FAM135B: variants seen among roughly 807,000 people sequenced by gnomAD.
The protein encoded by FAM135B is family with sequence similarity 135 member B.
In FAM135B, 43 loss-of-function variants were observed where a neutral mutation model predicts 127.7. The observed-to-expected ratio is 0.34, with a 90% CI of 0.26 to 0.43. The LOEUF (loss-of-function observed/expected upper bound fraction) is 0.43. Ranked by LOEUF, FAM135B falls within the 20% of genes least tolerant of loss-of-function variation. The pLI is 1.00. For synonymous variants in FAM135B, 670 were observed against 665.1 expected (o/e 1.01, Z -0.11); for missense variants, 1,558 against 1,725.6 (o/e 0.90, Z 1.72).
rs190663092 is a variant in FAM135B at position 138,155,698 on chromosome 8, A to G, written c.1259-2482T>C. 4.1e-3 allele frequency among the ~76,000 whole-genome samples: 627 copies of G among 152,248 alleles called. 3 individuals are homozygous for G. The highest frequency in any genetic ancestry group is 5.6e-3 in the Non-Finnish European group (381 of 67,992). ...CCAACAAAGACCAAAAAAGACAAAG[A>G]AAGCCATTACATAATGGTAAAGGGA... On this transcript the variant is annotated intron_variant, in intron 12 of 19. Transcript: ENST00000395297.
At chr8:138,460,100 C>T (rs1048528381) in intron 1 of FAM135B, among the ~76,000 whole-genome samples, 2 of 152,104 alleles carry the variant, frequency 1.3e-5, no homozygotes, top group Non-Finnish European at 2.9e-5. Flanking sequence ...TAGTTTAAGC[C>T]CTTTCTTTGG....
chr8:138,411,468 C>T (rs1833860193), intron 1 of FAM135B, among the ~76,000 whole-genome samples: 2 of 152,020 alleles, frequency 1.3e-5, no homozygotes, highest in South Asian at 4.1e-4. Flanking sequence ...TTCCTTACAC[C>T]TTATACGAAA....
At position 138,151,683 on chromosome 8, in the gene FAM135B, TGA is replaced by T; in HGVS notation, c.2790_2791del (p.Gln931ThrfsTer5). The T allele has an allele frequency of 6.2e-7, 1 of 1,614,186 alleles. No homozygotes were observed. The highest frequency in any genetic ancestry group is 8.5e-7 in the Non-Finnish European group (1 of 1,180,032). On this transcript the variant is annotated frameshift_variant, in exon 13 of 20. Coordinates refer to ENST00000395297, the MANE Select transcript of FAM135B (RefSeq NM_015912.4). LOFTEE classifies it high-confidence loss of function. ...ACAGCTCAATTCAGGCACCTGATGT[TGA>T]GAGAGACCCTCAACCTCTGAGATGC... is the stretch of plus-strand genomic sequence containing the variant.
Position 138,237,823 on chromosome 8 carries a change from C to T in FAM135B, c.669+5119G>A, listed in dbSNP as rs117757458. ...ACCCTGTAGACTTTAGACTTGCCAG[C>T]CTCCACAAGTGCATGACCCAATTTC... On this transcript the variant is annotated intron_variant, in intron 7 of 19. Transcript: ENST00000395297. Among the ~76,000 whole-genome samples the T allele has an allele frequency of 4.7e-4, 71 of 152,260 alleles. No individual in the cohort carries two copies. In the East Asian group the frequency reaches 0.012, roughly 26 times the overall value.
intron 7 of FAM135B, among the ~76,000 whole-genome samples, chr8:138,237,054 G>A (rs1586847313): frequency 6.6e-6 from 1 of 152,056 alleles, no homozygotes; most frequent in South Asian, 2.1e-4. Flanking sequence ...GTCGGATGAC[G>A]GAACAGCCCT....
chr8:138,435,103 T>C (rs1349269492), intron 1 of FAM135B, among the ~76,000 whole-genome samples: 3 of 151,776 alleles, frequency 2.0e-5, no homozygotes, highest in South Asian at 2.1e-4. Flanking sequence ...GTCAGGAGTT[T>C]ATGGCCAAGA....
intron 3 of FAM135B, among the ~76,000 whole-genome samples, chr8:138,268,488 A>T (rs1251887750): frequency 6.6e-6 from 1 of 152,142 alleles, no homozygotes; most frequent in Non-Finnish European, 1.5e-5. Flanking sequence ...ACCACTGTTA[A>T]ATAGGGCATC....
At chr8:138,265,127 A>G (rs1822815728) in intron 4 of FAM135B, among the ~76,000 whole-genome samples, 1 of 152,120 alleles carries the variant, frequency 6.6e-6, no homozygotes, top group African/African-American at 2.4e-5. Flanking sequence ...CCCTTGTTCG[A>G]TGCCCTTCCT....
At chr8:138,161,674 T>C (rs1202733102) in intron 12 of FAM135B, among the ~76,000 whole-genome samples, 1 of 152,170 alleles carries the variant, frequency 6.6e-6, no homozygotes, top group Non-Finnish European at 1.5e-5. Context: ...AAGTTTATGA[T>C]TGCAGCAAGG....
intron 9 of FAM135B, among the ~76,000 whole-genome samples, chr8:138,191,734 C>T (rs7464841): frequency 0.24 from 36,910 of 152,122 alleles, 5,276 homozygotes; most frequent in African/African-American, 0.37. Context: ...CTTTTTGCCA[C>T]GAAGACAAAA....
At chr8:138,270,078 C>T (rs1823255700) in intron 3 of FAM135B, among the ~76,000 whole-genome samples, 2 of 152,120 alleles carry the variant, frequency 1.3e-5, no homozygotes, top group South Asian at 4.1e-4. Context: ...CTGCCTAGCT[C>T]ACAGGGTCAT....
chr8:138,478,718 C>T (rs770931367), intron 1 of FAM135B, among the ~76,000 whole-genome samples: 3 of 152,162 alleles, frequency 2.0e-5, no homozygotes, highest in Non-Finnish European at 4.4e-5. Context: ...TATAATGCTA[C>T]AAATAATAAG....
rs553086752 is a variant in FAM135B at position 138,424,473 on chromosome 8, A to T, written c.-19-56471T>A. ...TACCTTCTTAGATTCTAGCACAAAG[A>T]TCTGCACAAATGGGTATCTACTTTA... is the stretch of plus-strand genomic sequence containing the variant. On this transcript the variant is annotated intron_variant, in intron 1 of 19. Coordinates refer to ENST00000395297, the MANE Select transcript of FAM135B (RefSeq NM_015912.4). Among the ~76,000 whole-genome samples the T allele has an allele frequency of 7.2e-5, 11 of 152,318 alleles. No individual in the cohort carries two copies. The South Asian group carries it at 8.3e-4, about 11-fold the overall frequency.
chr8:138,204,941 T>C (rs1345944023), intron 7 of FAM135B, among the ~76,000 whole-genome samples: 1 of 152,144 alleles, frequency 6.6e-6, no homozygotes, highest in Non-Finnish European at 1.5e-5. Flanking sequence ...AAAAGAAATG[T>C]TAGGTTTAGC....
At chr8:138,326,195 G>T (rs530014062) in intron 2 of FAM135B, among the ~76,000 whole-genome samples, 85 of 152,256 alleles carry the variant, frequency 5.6e-4, no homozygotes, top group African/African-American at 1.9e-3. Flanking sequence ...CCCAGATGGG[G>T]TTCTAGTTTG....
chr8:138,444,502 C>A (rs1835990724), intron 1 of FAM135B, among the ~76,000 whole-genome samples: 1 of 152,158 alleles, frequency 6.6e-6, no homozygotes, highest in African/African-American at 2.4e-5. Flanking sequence ...GAAACTCACT[C>A]AAAACCGCTC....
At chr8:138,164,629 C>G (rs571434497) in intron 12 of FAM135B, among the ~76,000 whole-genome samples, 76 of 152,312 alleles carry the variant, frequency 5.0e-4, no homozygotes, top group African/African-American at 1.8e-3. Flanking sequence ...AGAATACAAC[C>G]ATCTGTCTCT....
intron 1 of FAM135B, among the ~76,000 whole-genome samples, chr8:138,396,641 C>T (rs1202895666): frequency 1.3e-5 from 2 of 152,172 alleles, no homozygotes; most frequent in Admixed American, 1.3e-4. Flanking sequence ...GCAGGAAAGA[C>T]ATCTGGCCAA....
intron 12 of FAM135B, among the ~76,000 whole-genome samples, chr8:138,164,052 A>G (rs1819668317): frequency 6.6e-6 from 1 of 152,180 alleles, no homozygotes; most frequent in Non-Finnish European, 1.5e-5. Context: ...TCCTTACACT[A>G]GAAGAATGGA....
Sources: gnomAD v4.1 joint callset for allele counts (sites outside exome capture counted in the v4.1 genomes callset) on GRCh38, gnomAD v4.1.1 for gene constraint, MANE v1.5 for transcripts, NCBI Gene and HGNC (gene_info 2026-07-23, HGNC 2026-07-21) for gene names.